The following COL11A1 variants were observed in gnomAD, a reference collection of about 807,000 sequenced individuals.
COL11A1 encodes collagen type XI alpha 1 chain.
COL11A1 carries 74 observed loss-of-function variants against 265.2 expected under a neutral mutation model. That is an observed-to-expected ratio of 0.28 (90% CI 0.23 to 0.34). The LOEUF is 0.34. Ranked by LOEUF, COL11A1 falls within the 10% of genes least tolerant of loss-of-function variation. The pLI is 1.00. For synonymous variants in COL11A1, 816 were observed against 727.6 expected, an observed-to-expected ratio of 1.12 and a Z score of -1.96; for missense variants, 2,165 against 2,263.6, an observed-to-expected ratio of 0.96 and a Z score of 0.88.
intron 35 of COL11A1, among the ~76,000 whole-genome samples, chr1:102,977,144 A>G (rs1335868993): frequency 6.6e-6 from 1 of 152,134 alleles, no homozygotes; most frequent in Non-Finnish European, 1.5e-5. Context: ...TCCCCAACTC[A>G]TATATTTTGA....
At chr1:103,002,886 C>A in intron 21 of COL11A1, 95 bp from the exon 22 acceptor site, 1 of 1,128,742 alleles carries the variant, frequency 8.9e-7, no homozygotes, top group Non-Finnish European at 1.3e-6. Context: ...TATTCACTAC[C>A]CTAAGCAACT....
intron 63 of COL11A1, among the ~76,000 whole-genome samples, chr1:102,886,547 A>C (rs1370776132): frequency 6.6e-6 from 1 of 152,230 alleles, no homozygotes; most frequent in Non-Finnish European, 1.5e-5. Flanking sequence ...TTACAAGCAA[A>C]GTACATTTGT....
chr1:102,893,527 A>G (rs926574348), intron 57 of COL11A1, among the ~76,000 whole-genome samples: 2 of 152,116 alleles, frequency 1.3e-5, no homozygotes, highest in African/African-American at 4.8e-5. Flanking sequence ...CTAACTATAC[A>G]TATTTTCTAT....
intron 4 of COL11A1, among the ~76,000 whole-genome samples, chr1:103,032,025 G>A (rs748097889): frequency 5.9e-5 from 9 of 152,020 alleles, no homozygotes; most frequent in Non-Finnish European, 1.2e-4. Context: ...TTCTGCTCTT[G>A]ATGTAATGTG....
intron 54 of COL11A1, among the ~76,000 whole-genome samples, chr1:102,906,776 T>G (rs1470536909): frequency 6.6e-6 from 1 of 152,064 alleles, no homozygotes; most frequent in East Asian, 1.9e-4. Context: ...TGAGGTAGAG[T>G]TATTGACTAA....
intron 41 of COL11A1, among the ~76,000 whole-genome samples, chr1:102,956,681 A>G (rs1660399705): frequency 6.6e-6 from 1 of 151,906 alleles, no homozygotes; most frequent in Non-Finnish European, 1.5e-5. Context: ...GGTCTTGCCC[A>G]GTATTTAAAA....
chr1:103,065,343 A>G (rs1671023829), intron 4 of COL11A1, among the ~76,000 whole-genome samples: 1 of 151,792 alleles, frequency 6.6e-6, no homozygotes, highest in African/African-American at 2.4e-5. Flanking sequence ...ACACGGTGAA[A>G]CCCCGTCTCT....
chr1:103,025,745 A>G (rs1667457435), intron 6 of COL11A1, 132 bp from the exon 7 acceptor site: 4 of 1,602,552 alleles, frequency 2.5e-6, no homozygotes, highest in Non-Finnish European at 3.4e-6. Flanking sequence ...ATGATTCATG[A>G]TCAGAGATCT....
At chr1:102,890,225 A>G (rs1345039691) in intron 58 of COL11A1, among the ~76,000 whole-genome samples, 1 of 152,096 alleles carries the variant, frequency 6.6e-6, no homozygotes, top group South Asian at 2.1e-4. Context: ...GGTTGCTATA[A>G]TGGAACCTTG....
intron 54 of COL11A1, among the ~76,000 whole-genome samples, chr1:102,902,986 TGTG>T (rs1653425210): frequency 1.3e-5 from 2 of 152,028 alleles, no homozygotes; most frequent in Non-Finnish European, 2.9e-5. Context: ...AATTTTTTAT[TGTG>T]AACTTCCCTT....
Position 103,015,729 on chromosome 1 carries a change from C to G in COL11A1, c.1427G>C (p.Arg476Pro). The G allele has an allele frequency of 6.2e-7, 1 of 1,604,906 alleles. No homozygotes were observed. The highest frequency in any genetic ancestry group is 8.5e-7 in the Non-Finnish European group (1 of 1,174,814). ...GDPGDRGPPGRPGLPGADGLP... is the reference protein window; with the variant it reads ...GDPGDRGPPGPPGLPGADGLP... ...ACCATCAGCCCCTGGTAAGCCAGGA[C>G]GTCCTGGGGGGCCCTAGAAAAATAA... The change falls in exon 12 of 67, where the codon CGT (arginine) becomes CCT (proline). Residue 476 changes from arginine (R) to proline (P), a missense_variant. Physicochemically the swap from Arg to Pro is moderately radical, Grantham distance 103. Coordinates refer to ENST00000370096, the MANE Select transcript of COL11A1 (RefSeq NM_001854.4).
intron 2 of COL11A1, among the ~76,000 whole-genome samples, 166 bp from the exon 3 acceptor site, chr1:103,079,037 C>T (rs1672199078): frequency 6.6e-6 from 1 of 152,010 alleles, no homozygotes; most frequent in African/African-American, 2.4e-5. Flanking sequence ...TAAGGTTTCT[C>T]TTCAATTTTT....
rs2101016547 is a variant in COL11A1 at position 102,912,151 on chromosome 1, A to C, written c.4086+8T>G. The C allele has an allele frequency of 6.2e-7, 1 of 1,607,478 alleles. No individual in the cohort carries two copies. Among genetic ancestry groups the C allele is most frequent in the Non-Finnish European group, 8.5e-7 (1 of 1,176,314 alleles). On this transcript the variant is annotated splice_region_variant and intron_variant, in intron 54 of 66. Transcript: ENST00000370096. ...ATATGTTTCAAATAAAGAATTAAAGAAACTTACTCGTTTTCCAGGAGGACC... is the reference window on the plus strand; with the variant it reads ...ATATGTTTCAAATAAAGAATTAAAGCAACTTACTCGTTTTCCAGGAGGACC...
At chr1:102,945,247 ACTCTCTCTCTCTCTCTCT>A (rs3056651) in intron 42 of COL11A1, among the ~76,000 whole-genome samples, 290 of 129,246 alleles carry the variant, frequency 2.2e-3, no homozygotes, top group Non-Finnish European at 4.1e-3. Flanking sequence ...TTTTCTTTTT[ACTCTCTCTCTCTCTCTCT>A]CTCTCTCTCT....
intron 24 of COL11A1, 38 bp downstream of exon 24, chr1:103,001,887 T>G (rs764821977): frequency 6.2e-7 from 1 of 1,601,684 alleles, no homozygotes; most frequent in Non-Finnish European, 8.6e-7. Context: ...AAAACAAACA[T>G]GTTCACCAGG....
intron 3 of COL11A1, among the ~76,000 whole-genome samples, chr1:103,078,139 A>G (rs987474352): frequency 2.6e-5 from 4 of 151,964 alleles, no homozygotes; most frequent in African/African-American, 7.3e-5. Flanking sequence ...ACGACCTCCT[A>G]CAATGTGTTA....
At chr1:103,070,731 A>C (rs564071722) in intron 4 of COL11A1, among the ~76,000 whole-genome samples, 2 of 151,974 alleles carry the variant, frequency 1.3e-5, no homozygotes, top group East Asian at 3.9e-4. Context: ...TTAGAAAAAA[A>C]ATCACAAGGA....
chr1:103,090,146 T>A (rs1490392013), intron 1 of COL11A1, among the ~76,000 whole-genome samples: 1 of 151,310 alleles, frequency 6.6e-6, no homozygotes, highest in East Asian at 1.9e-4. Context: ...AATAAATAAA[T>A]AATAAAATAA....
At chr1:103,036,065 T>C (rs1315314549) in intron 4 of COL11A1, among the ~76,000 whole-genome samples, 1 of 151,562 alleles carries the variant, frequency 6.6e-6, no homozygotes, top group Non-Finnish European at 1.5e-5. Flanking sequence ...CACTATTGAG[T>C]ACATGACAAT....
Sources: gnomAD v4.1 joint callset for allele counts (sites outside exome capture counted in the v4.1 genomes callset) on GRCh38, gnomAD v4.1.1 for gene constraint, MANE v1.5 for transcripts, NCBI Gene and HGNC (gene_info 2026-07-23, HGNC 2026-07-21) for gene names.